CSGALNACT2: variants seen among roughly 807,000 people sequenced by gnomAD.
CSGALNACT2 encodes the protein chondroitin sulfate N-acetylgalactosaminyltransferase 2, also known as beta 4 GalNAcT-2.
CSGALNACT2 carries 35 observed loss-of-function variants against 55.3 expected under a neutral mutation model. The observed-to-expected ratio is 0.63, with a 90% CI of 0.48 to 0.84. The LOEUF is 0.84. Among genes scored for constraint, CSGALNACT2 ranks in the 40% least tolerant of loss-of-function variants. The pLI is 0.00. For missense variants in CSGALNACT2, 544 were observed against 657.5 expected (o/e 0.83, Z 1.89); for synonymous variants, 196 against 224.9 (o/e 0.87, Z 1.15).
Position 43,169,586 on chromosome 10 carries a change from G to A in CSGALNACT2, c.1254+2488G>A, listed in dbSNP as rs1218512011. ...ACCCAACTGGACACGTAAAGTTCACGAGATAACATGAGAGAAAAATTAAGA... is the reference window on the plus strand; with the variant it reads ...ACCCAACTGGACACGTAAAGTTCACAAGATAACATGAGAGAAAAATTAAGA... On this transcript the variant is annotated intron_variant, in intron 6 of 7. Coordinates refer to ENST00000374466, the MANE Select transcript of CSGALNACT2 (RefSeq NM_018590.5). Among the ~76,000 whole-genome samples the A allele has an allele frequency of 3.3e-5, 5 of 152,250 alleles. No homozygotes were observed. The East Asian group carries it at 9.6e-4, about 29-fold the overall frequency.
chr10:43,155,153 C>G lies in CSGALNACT2; in HGVS notation c.4C>G (p.Pro2Ala), dbSNP rs1224013516. 9 of 1,611,170 alleles carry G rather than the reference C, an allele frequency of 5.6e-6. No homozygotes were observed. Among genetic ancestry groups the G allele is most frequent in the Admixed American group, 1.7e-5 (1 of 59,912 alleles). Residue 2 changes from proline to alanine, a missense_variant, in exon 2 of 8, where the codon CCT becomes GCT. Physicochemically the swap from Pro to Ala is conservative, Grantham distance 27. Coordinates refer to ENST00000374466, the MANE Select transcript of CSGALNACT2 (RefSeq NM_018590.5). ...AGGCAAATACACATTAATAAGAATG[C>G]CTAGAAGAGGACTGATTCTTCACAC... Reference protein sequence around the residue: MPRRGLILHTRT... With the variant: MARRGLILHTRT...
intron 7 of CSGALNACT2, among the ~76,000 whole-genome samples, chr10:43,180,239 T>C (rs1051608551): frequency 4.6e-5 from 7 of 152,252 alleles, no homozygotes; most frequent in African/African-American, 1.7e-4. Flanking sequence ...GTATTCCCAT[T>C]ATACATATGT....
chr10:43,145,369 G>A (rs1656967760), intron 1 of CSGALNACT2, among the ~76,000 whole-genome samples: 1 of 143,960 alleles, frequency 6.9e-6, no homozygotes, highest in African/African-American at 2.6e-5. Context: ...ATGTAAGTTA[G>A]TTGATGGCTT....
intron 6 of CSGALNACT2, among the ~76,000 whole-genome samples, chr10:43,169,123 G>A (rs1380645085): frequency 6.6e-6 from 1 of 152,152 alleles, no homozygotes; most frequent in Non-Finnish European, 1.5e-5. Flanking sequence ...TGGTCGGGGT[G>A]GCTAGGGAGC....
rs767875885 is a variant in CSGALNACT2, at chr10:43,155,601, T to A, written c.452T>A (p.Phe151Tyr). Residue 151 changes from phenylalanine (F) to tyrosine (Y), a missense_variant, in exon 2 of 8, where the codon TTT becomes TAT. Coordinates refer to ENST00000374466, the MANE Select transcript of CSGALNACT2 (RefSeq NM_018590.5). ...SEYGVIPFES[F>Y]TLMKVFQLEM... ...TATGGGGTCATTCCCTTTGAAAGTTTTACCTTAATGAAAGTATTTCAATTG... is the reference window on the plus strand; with the variant it reads ...TATGGGGTCATTCCCTTTGAAAGTTATACCTTAATGAAAGTATTTCAATTG... 21 of 1,614,112 alleles carry A rather than the reference T, an allele frequency of 1.3e-5. No homozygotes were observed. The South Asian group carries it at 2.1e-4, about 16-fold the overall frequency.
chr10:43,149,806 G>A (rs1052634653), intron 1 of CSGALNACT2, among the ~76,000 whole-genome samples: 4 of 152,050 alleles, frequency 2.6e-5, no homozygotes, highest in Middle Eastern at 3.2e-3. Context: ...GGTGGCTCAC[G>A]CCTGTGATCC....
chr10:43,169,392 A>G (rs1839340841), intron 6 of CSGALNACT2, among the ~76,000 whole-genome samples: 1 of 152,260 alleles, frequency 6.6e-6, no homozygotes, highest in Admixed American at 6.5e-5. Flanking sequence ...ATAGAAAGTA[A>G]TTTTAAAATA....
intron 4 of CSGALNACT2, among the ~76,000 whole-genome samples, chr10:43,161,120 G>A (rs1839138804): frequency 6.6e-6 from 1 of 152,150 alleles, no homozygotes; most frequent in African/African-American, 2.4e-5. Context: ...CATAGTAGAT[G>A]CTCAGAGGTT....
At chr10:43,157,990 C>G (rs1839053584) in intron 2 of CSGALNACT2, among the ~76,000 whole-genome samples, 1 of 147,768 alleles carries the variant, frequency 6.8e-6, no homozygotes, top group Admixed American at 6.8e-5. Flanking sequence ...GATTGCACCA[C>G]TGCACTCCAG....
chr10:43,184,904 T>A lies in CSGALNACT2; in HGVS notation c.*1362T>A, dbSNP rs1839666504. 6.6e-6 allele frequency: 1 copy of A among 152,154 alleles called. No individual in the cohort carries two copies. The highest frequency in any genetic ancestry group is 1.5e-5 in the Non-Finnish European group (1 of 68,004). 9.4% of individuals were successfully genotyped at this position (152,154 alleles called of 1,614,324 possible). A position where few individuals can be genotyped will look rare whatever the true frequency, so the allele number is the denominator to read the frequency against. On this transcript the variant is annotated 3_prime_UTR_variant, in exon 8 of 8. Transcript: ENST00000374466. Reference sequence around the variant, plus strand: ...CAGTAAATCATATCATCTGAAATATTACAAATTTCAAATTTCTAGGTGCTA... The same window carrying A: ...CAGTAAATCATATCATCTGAAATATAACAAATTTCAAATTTCTAGGTGCTA...
At chr10:43,147,319 C>T (rs955823471) in intron 1 of CSGALNACT2, among the ~76,000 whole-genome samples, 1 of 139,034 alleles carries the variant, frequency 7.2e-6, no homozygotes, top group Non-Finnish European at 1.5e-5. Context: ...AGGCCTTTTC[C>T]CACATTTTAA....
rs190951125 is a variant in CSGALNACT2, at chr10:43,163,516, T to A, written c.981-350T>A. The A allele has an allele frequency of 7.9e-5, 78 of 985,404 alleles. No homozygotes were observed. The African/African-American group carries it at 1.3e-3, about 16-fold the overall frequency. The allele number at this position is 985,404 out of a possible 1,614,324, so 61.0% of individuals were successfully genotyped here. On this transcript the variant is annotated intron_variant, in intron 4 of 7. Coordinates refer to ENST00000374466, the MANE Select transcript of CSGALNACT2 (RefSeq NM_018590.5). ...ACGGATGCAAGAGGAGAGTGATCTT[T>A]GTGTGTGTTATCCATTTAGAATGCA... is the stretch of plus-strand genomic sequence containing the variant.
At position 43,163,996 on chromosome 10, in the gene CSGALNACT2, T is replaced by C; in HGVS notation, c.1111T>C (p.Tyr371His). 6.2e-7 allele frequency: 1 copy of C among 1,614,090 alleles called. No homozygotes were observed. ...GATGTTTTTCTGTGATGTTGATATC[T>C]ATTTCTCAGCCGAATTCCTTAACAG... ...VLMFFCDVDI[Y>H]FSAEFLNSCR... The change falls in exon 5 of 8, where the codon TAT (tyrosine) becomes CAT (histidine). Residue 371 changes from tyrosine (Y) to histidine (H), a missense_variant. Coordinates refer to ENST00000374466, the MANE Select transcript of CSGALNACT2 (RefSeq NM_018590.5).
Position 43,155,425 on chromosome 10 carries a change from G to A in CSGALNACT2, c.276G>A (p.Lys92=), listed in dbSNP as rs750261794. 1 of 1,614,196 alleles carries A rather than the reference G, an allele frequency of 6.2e-7. No homozygotes were observed. Among genetic ancestry groups the A allele is most frequent in the African/African-American group, 1.3e-5 (1 of 75,044 alleles). Reference sequence around the variant, plus strand: ...AAGAATTACAAGAAATGAGTGAGAAGATGCGGTCACTGCAAGAAAGAAGGA... The same window carrying A: ...AAGAATTACAAGAAATGAGTGAGAAAATGCGGTCACTGCAAGAAAGAAGGA... ...LKQELQEMSE[K]MRSLQERRNV... Residue 92 remains lysine (K), a synonymous_variant, in exon 2 of 8, where the codon AAG becomes AAA. Transcript: ENST00000374466.
intron 7 of CSGALNACT2, among the ~76,000 whole-genome samples, chr10:43,179,309 T>G (rs1310484408): frequency 1.3e-5 from 2 of 151,952 alleles, no homozygotes; most frequent in East Asian, 3.9e-4. Flanking sequence ...TCCTCATTAT[T>G]TCTTTTTCGA....
At chr10:43,147,782 C>CTTTTTTTTTT (rs372639057) in intron 1 of CSGALNACT2, among the ~76,000 whole-genome samples, 2 of 108,110 alleles carry the variant, frequency 1.8e-5, no homozygotes, top group Non-Finnish European at 3.7e-5. Context: ...GTCGAGTTAT[C>CTTTTTTTTTT]TTTTTTTTTT....
At chr10:43,149,152 G>A (rs1838822363) in intron 1 of CSGALNACT2, among the ~76,000 whole-genome samples, 1 of 152,010 alleles carries the variant, frequency 6.6e-6, no homozygotes, top group African/African-American at 2.4e-5. Flanking sequence ...GCGTGATCTC[G>A]GCTCACTGCA....
rs543851175 is a variant in CSGALNACT2, at chr10:43,159,014, C to G, written c.878+83C>G. ...TCAGATTTCCTTAATTTATCTTCAC[C>G]GATTATAATTACTTAGAATAATTTT... On this transcript the variant is annotated intron_variant, in intron 3 of 7. Coordinates refer to ENST00000374466, the MANE Select transcript of CSGALNACT2 (RefSeq NM_018590.5). 6.2e-5 allele frequency: 47 copies of G among 752,974 alleles called. No individual in the cohort carries two copies. The African/African-American group carries it at 7.2e-4, about 12-fold the overall frequency. The allele number at this position is 752,974 out of a possible 1,614,324, so 46.6% of individuals were successfully genotyped here.
intron 7 of CSGALNACT2, among the ~76,000 whole-genome samples, chr10:43,181,661 C>A (rs1057336162): frequency 1.3e-5 from 2 of 150,920 alleles, no homozygotes; most frequent in African/African-American, 4.9e-5. Flanking sequence ...ACTTGTGGTC[C>A]CACTTACTAA....
Sources: allele counts gnomAD v4.1 joint callset (sites outside exome capture counted in the v4.1 genomes callset), GRCh38; gene constraint gnomAD v4.1.1; transcripts MANE v1.5; gene names NCBI Gene and HGNC (gene_info 2026-07-23, HGNC 2026-07-21).